SMURF2: variants seen among roughly 807,000 people sequenced by gnomAD.
SMURF2 encodes the protein E3 ubiquitin-protein ligase SMURF2.
Under a neutral mutation model 109.6 loss-of-function variants are expected in SMURF2, and 48 were observed. The observed-to-expected ratio is 0.44, with a 90% CI of 0.35 to 0.56. The LOEUF (loss-of-function observed/expected upper bound fraction) is 0.56. SMURF2 is among the 20% of genes least tolerant of loss of function. SMURF2 has a pLI of 0.01. For missense variants in SMURF2, 575 were observed against 909.0 expected, an observed-to-expected ratio of 0.63 and a Z score of 4.72; for synonymous variants, 288 against 317.1, an observed-to-expected ratio of 0.91 and a Z score of 0.97.
At chr17:64,630,169 G>A (rs1003652316) in intron 1 of SMURF2, among the ~76,000 whole-genome samples, 2 of 152,038 alleles carry the variant, frequency 1.3e-5, no homozygotes, top group African/African-American at 4.8e-5. Context: ...CTGGGAGGCG[G>A]AGGTTGTGGT....
At chr17:64,578,186 T>C (rs1270909024) in intron 9 of SMURF2, among the ~76,000 whole-genome samples, 5 of 151,884 alleles carry the variant, frequency 3.3e-5, no homozygotes, top group African/African-American at 1.2e-4. Flanking sequence ...CCTCATGATC[T>C]GCCCACCTTG....
Position 64,637,032 on chromosome 17 carries a change from C to A in SMURF2, c.52+24797G>T, listed in dbSNP as rs189834602. ...CCCAGGAGTTCGAGACCAGTCTGGG[C>A]AACAGAGTGAGACCTCATCTTTACA... On this transcript the variant is annotated intron_variant, in intron 1 of 18. Coordinates refer to ENST00000262435, the MANE Select transcript of SMURF2 (RefSeq NM_022739.4). Among the ~76,000 whole-genome samples the A allele has an allele frequency of 1.0e-3, 159 of 151,922 alleles. 1 individual carries two copies. The highest frequency in any genetic ancestry group is 9.8e-3 in the Admixed American group (149 of 15,232).
intron 10 of SMURF2, 102 bp downstream of exon 10, chr17:64,571,696 G>A: frequency 2.4e-6 from 3 of 1,242,090 alleles, no homozygotes; most frequent in Non-Finnish European, 3.3e-6. Context: ...TGGGATTAAA[G>A]GCGTGAGCCA....
At chr17:64,601,330 C>T (rs1969892771) in intron 2 of SMURF2, among the ~76,000 whole-genome samples, 1 of 151,966 alleles carries the variant, frequency 6.6e-6, no homozygotes. Flanking sequence ...ATAAAGTACT[C>T]AAACAAATCA....
intron 9 of SMURF2, among the ~76,000 whole-genome samples, chr17:64,575,084 C>T (rs1360039801): frequency 6.7e-6 from 1 of 149,450 alleles, no homozygotes; most frequent in African/African-American, 2.5e-5. Flanking sequence ...AAGTTAGGCC[C>T]TTGGATTTTT....
chr17:64,648,058 TAAAAAAAAAAAA>T (rs56131846), intron 1 of SMURF2, among the ~76,000 whole-genome samples: 26 of 17,690 alleles, frequency 1.5e-3, no homozygotes, highest in South Asian at 7.9e-3. Flanking sequence ...CCCTATCTCT[TAAAAAAAAAAAA>T]AAAAAAAAAA....
chr17:64,545,890 C>G lies in SMURF2; in HGVS notation c.2205G>C (p.Leu735=). The stretch of plus-strand genomic sequence containing the variant: ...CACATGTTTCTTCAATGGCTGTTAG[C>G]AGCTTTTCATATAGCTTTTCATAGC... ...YESYEKLYEK[L]LTAIEETCGF... The change falls in exon 19 of 19, where the codon CTG becomes CTC. Residue 735 remains leucine, a synonymous_variant. Coordinates refer to ENST00000262435, the MANE Select transcript of SMURF2 (RefSeq NM_022739.4). 1 of 1,612,744 alleles carries G rather than the reference C, an allele frequency of 6.2e-7. No homozygotes were observed. Among genetic ancestry groups the G allele is most frequent in the South Asian group, 1.1e-5 (1 of 91,046 alleles).
chr17:64,553,534 CAAAAA>C (rs1161673632), intron 15 of SMURF2, among the ~76,000 whole-genome samples: 9 of 146,534 alleles, frequency 6.1e-5, no homozygotes, highest in African/African-American at 2.2e-4. Context: ...AAACAAAAAA[CAAAAA>C]AAAAACCATG....
chr17:64,633,081 G>A (rs1457481811), intron 1 of SMURF2, among the ~76,000 whole-genome samples: 1 of 152,114 alleles, frequency 6.6e-6, no homozygotes, highest in East Asian at 1.9e-4. Flanking sequence ...GGCCAGCCTG[G>A]GCAACCTGAG....
intron 1 of SMURF2, among the ~76,000 whole-genome samples, chr17:64,659,790 A>G (rs1970750934): frequency 6.6e-6 from 1 of 152,186 alleles, no homozygotes; most frequent in Non-Finnish European, 1.5e-5. Context: ...ACAAAAATGG[A>G]AGAAAAAATA....
intron 1 of SMURF2, among the ~76,000 whole-genome samples, chr17:64,621,679 G>C (rs1451273688): frequency 6.6e-6 from 1 of 151,278 alleles, no homozygotes; most frequent in African/African-American, 2.4e-5. Flanking sequence ...TTCAAGACCA[G>C]CCTGGCCAAC....
At chr17:64,631,693 A>T (rs1970350543) in intron 1 of SMURF2, among the ~76,000 whole-genome samples, 1 of 152,162 alleles carries the variant, frequency 6.6e-6, no homozygotes, top group Non-Finnish European at 1.5e-5. Flanking sequence ...CAAAAAACAG[A>T]AATTTGACAT....
In SMURF2 at chr17:64,631,534, A is replaced by C. The variant is rs529145610; in HGVS notation, c.53-24894T>G. Among the ~76,000 whole-genome samples the C allele has an allele frequency of 5.4e-4, 82 of 152,278 alleles. 1 individual carries two copies. The highest frequency in any genetic ancestry group is 3.3e-3 in the Admixed American group (51 of 15,300). ...TTAATAGGACAAAGTTCCAGAGTCCAGAGAGGAGAATTAACTAACCTTCAC... is the reference window on the plus strand; with the variant it reads ...TTAATAGGACAAAGTTCCAGAGTCCCGAGAGGAGAATTAACTAACCTTCAC... On this transcript the variant is annotated intron_variant, in intron 1 of 18. Coordinates refer to ENST00000262435, the MANE Select transcript of SMURF2 (RefSeq NM_022739.4).
Position 64,662,159 on chromosome 17 carries a change from C to G in SMURF2, c.-279G>C, listed in dbSNP as rs973069385. Reference sequence around the variant, plus strand: ...CCGCCTCCGCCCGCGCCCCCGCCGCCTCCTCGCGGCCGCCGAGGCCTTTCC... The same window carrying G: ...CCGCCTCCGCCCGCGCCCCCGCCGCGTCCTCGCGGCCGCCGAGGCCTTTCC... On this transcript the variant is annotated 5_prime_UTR_variant, in exon 1 of 19. Transcript: ENST00000262435. 1.7e-5 allele frequency: 18 copies of G among 1,034,730 alleles called. No homozygotes were observed. In the African/African-American group the frequency reaches 1.9e-4, roughly 11 times the overall value. 64.1% of individuals were successfully genotyped at this position (1,034,730 alleles called of 1,614,324 possible).
intron 12 of SMURF2, among the ~76,000 whole-genome samples, chr17:64,559,507 C>A (rs1555684327): frequency 6.6e-6 from 1 of 151,684 alleles, no homozygotes; most frequent in Admixed American, 6.6e-5. Context: ...GCTGGAGAAT[C>A]GCTTGAACCC....
chr17:64,578,989 C>A (rs1555686303), intron 8 of SMURF2, among the ~76,000 whole-genome samples: 2 of 152,158 alleles, frequency 1.3e-5, no homozygotes, highest in African/African-American at 4.8e-5. Context: ...CTTATTATGC[C>A]TAATTTTATA....
At chr17:64,622,982 T>C (rs1487843292) in intron 1 of SMURF2, among the ~76,000 whole-genome samples, 2 of 152,216 alleles carry the variant, frequency 1.3e-5, no homozygotes, top group African/African-American at 2.4e-5. Context: ...AATCCAATAC[T>C]ACTTTATTTT....
At chr17:64,621,577 C>G (rs1417105360) in intron 1 of SMURF2, among the ~76,000 whole-genome samples, 3 of 150,694 alleles carry the variant, frequency 2.0e-5, no homozygotes, top group African/African-American at 7.3e-5. Context: ...GAGACTCTGT[C>G]TCAAAAAATA....
At chr17:64,568,047 G>T (rs1355956511) in intron 10 of SMURF2, among the ~76,000 whole-genome samples, 1 of 151,894 alleles carries the variant, frequency 6.6e-6, no homozygotes, top group Non-Finnish European at 1.5e-5. Flanking sequence ...GTAGAGATGG[G>T]GTTTCACCGT....
Sources: allele counts gnomAD v4.1 joint callset (sites outside exome capture counted in the v4.1 genomes callset), GRCh38; gene constraint gnomAD v4.1.1; transcripts MANE v1.5; gene names NCBI Gene and HGNC (gene_info 2026-07-23, HGNC 2026-07-21).